Variants in MYO16 observed in about 807,000 individuals in gnomAD.
MYO16 encodes unconventional myosin-XVI.
In MYO16, 94 loss-of-function variants were observed where a neutral mutation model predicts 205.3. The observed-to-expected ratio is 0.46, with a 90% CI of 0.39 to 0.54. The LOEUF (loss-of-function observed/expected upper bound fraction) is 0.54. Among genes scored for constraint, MYO16 ranks in the 20% least tolerant of loss-of-function variants. The probability of loss-of-function intolerance (pLI) is 0.00; values close to 1 mark genes in which losing one functional copy is unlikely to be tolerated. For synonymous variants in MYO16, 988 were observed against 954.0 expected (o/e 1.04, Z -0.66); for missense variants, 2,315 against 2,387.5 (o/e 0.97, Z 0.63).
At chr13:109,021,222 T>C (rs1886012875) in intron 23 of MYO16, among the ~76,000 whole-genome samples, 1 of 152,150 alleles carries the variant, frequency 6.6e-6, no homozygotes, top group Admixed American at 6.6e-5. Context: ...TGGGAGACTC[T>C]AAATTGAACT....
intron 27 of MYO16, among the ~76,000 whole-genome samples, chr13:109,093,311 C>T (rs1888676818): frequency 6.6e-6 from 1 of 152,196 alleles, no homozygotes; most frequent in Non-Finnish European, 1.5e-5. Flanking sequence ...CCCATGAGGG[C>T]ATGAGCATTC....
intron 34 of MYO16, among the ~76,000 whole-genome samples, chr13:109,182,237 A>G (rs1448628049): frequency 1.3e-5 from 2 of 152,166 alleles, no homozygotes; most frequent in Non-Finnish European, 2.9e-5. Context: ...ACCTACCACG[A>G]TGAAAATACA....
At chr13:108,809,278 C>T (rs572284534) in intron 7 of MYO16, among the ~76,000 whole-genome samples, 7 of 152,260 alleles carry the variant, frequency 4.6e-5, no homozygotes, top group East Asian at 1.9e-4. Flanking sequence ...TTAAGCACAC[C>T]GTAGCTTTCA....
At chr13:108,640,630 C>T (rs1255004869) in intron 1 of MYO16, among the ~76,000 whole-genome samples, 1 of 152,170 alleles carries the variant, frequency 6.6e-6, no homozygotes, top group Non-Finnish European at 1.5e-5. Flanking sequence ...TCTATCCTTT[C>T]ACATTCACCC....
chr13:108,862,062 A>G lies in MYO16; in HGVS notation c.1360-4115A>G, dbSNP rs377576390. On this transcript the variant is annotated intron_variant, in intron 11 of 34. Transcript: ENST00000457511. The stretch of plus-strand genomic sequence containing the variant: ...TATTATTTTAGCATTTACAGTTAAG[A>G]TATTTTGGTGCTGATCATAATCCTG... 6.6e-5 allele frequency among the ~76,000 whole-genome samples: 10 copies of G among 152,250 alleles called. No individual in the cohort carries two copies. The South Asian group carries it at 8.3e-4, about 13-fold the overall frequency.
intron 12 of MYO16, among the ~76,000 whole-genome samples, chr13:108,869,994 T>G (rs1312875724): frequency 6.6e-6 from 1 of 151,430 alleles, no homozygotes; most frequent in Admixed American, 6.6e-5. Flanking sequence ...AATATATATA[T>G]ATTTCTTATC....
At chr13:109,153,192 A>G (rs2139840342) in intron 32 of MYO16, among the ~76,000 whole-genome samples, 1 of 152,254 alleles carries the variant, frequency 6.6e-6, no homozygotes, top group Non-Finnish European at 1.5e-5. Context: ...GCTCACAAAT[A>G]TGTCCTCTGA....
chr13:108,706,236 G>T (rs1471278019), intron 2 of MYO16, among the ~76,000 whole-genome samples: 1 of 152,164 alleles, frequency 6.6e-6, no homozygotes, highest in African/African-American at 2.4e-5. Context: ...AATTAAAATT[G>T]AATTGATGGG....
chr13:109,065,297 G>A (rs1004425325), intron 27 of MYO16, among the ~76,000 whole-genome samples: 1 of 152,064 alleles, frequency 6.6e-6, no homozygotes, highest in South Asian at 2.1e-4. Context: ...TCAATGGGGA[G>A]CATCCATGTA....
At chr13:109,016,311 T>C (rs112617948) in intron 22 of MYO16, among the ~76,000 whole-genome samples, 2,572 of 152,270 alleles carry the variant, frequency 0.017, 76 homozygotes, top group African/African-American at 0.059. Flanking sequence ...AATTTGATTG[T>C]ACTGTGGTCT....
chr13:108,906,008 G>A (rs995018022), intron 15 of MYO16, among the ~76,000 whole-genome samples: 10 of 152,138 alleles, frequency 6.6e-5, no homozygotes, highest in South Asian at 2.1e-4. Context: ...CTTTGTGCCC[G>A]CTGGCCTTGG....
intron 2 of MYO16, among the ~76,000 whole-genome samples, chr13:108,687,257 T>C (rs1294416844): frequency 6.6e-6 from 1 of 152,212 alleles, no homozygotes; most frequent in Admixed American, 6.5e-5. Context: ...CAGTGCAGTG[T>C]CTTCTCGCCA....
the MYO16 span, among the ~76,000 whole-genome samples, chr13:108,516,927 G>A: frequency 6.6e-6 from 1 of 151,606 alleles, no homozygotes; most frequent in Non-Finnish European, 1.5e-5. Flanking sequence ...ATTATGTTTT[G>A]TTTTGTTTTG....
chr13:108,962,851 A>C lies in MYO16; in HGVS notation c.2227+356A>C, dbSNP rs147726347. On this transcript the variant is annotated intron_variant, in intron 19 of 34. Coordinates refer to ENST00000457511, the MANE Select transcript of MYO16 (RefSeq NM_001198950.3). ...CTTTTCCTGCTACCTCATTGGTTAG[A>C]ACAGCTGTCATTTATTGGACATATA... 3.9e-3 allele frequency among the ~76,000 whole-genome samples: 596 copies of C among 152,360 alleles called. 4 individuals are homozygous for C. The highest frequency in any genetic ancestry group is 0.014 in the African/African-American group (573 of 41,568).
At chr13:108,845,106 G>A (rs182378032) in intron 10 of MYO16, among the ~76,000 whole-genome samples, 2 of 152,068 alleles carry the variant, frequency 1.3e-5, no homozygotes, top group South Asian at 2.1e-4. Flanking sequence ...TTTATAAGTG[G>A]CAGAATAACT....
intron 22 of MYO16, among the ~76,000 whole-genome samples, chr13:109,018,476 C>G (rs1425343473): frequency 1.3e-5 from 2 of 152,178 alleles, no homozygotes; most frequent in African/African-American, 4.8e-5. Flanking sequence ...CGTGTCCATT[C>G]TCAGAGCTCA....
At chr13:108,652,617 C>G (rs773860989) in intron 1 of MYO16, among the ~76,000 whole-genome samples, 1 of 152,134 alleles carries the variant, frequency 6.6e-6, no homozygotes, top group Admixed American at 6.5e-5. Context: ...TGAGTTTGAC[C>G]TCTTTAGAAG....
chr13:109,171,501 C>G (rs1393031170), intron 33 of MYO16, among the ~76,000 whole-genome samples: 1 of 152,160 alleles, frequency 6.6e-6, no homozygotes, highest in Non-Finnish European at 1.5e-5. Context: ...TCTGTTTGTT[C>G]ATTTGTTGAA....
chr13:108,922,193 C>G (rs1271482688), intron 16 of MYO16, among the ~76,000 whole-genome samples: 1 of 152,056 alleles, frequency 6.6e-6, no homozygotes, highest in Non-Finnish European at 1.5e-5. Flanking sequence ...TGATTTAAAA[C>G]CTAATGATGA....
Sources: gnomAD v4.1 joint callset for allele counts (sites outside exome capture counted in the v4.1 genomes callset) on GRCh38, gnomAD v4.1.1 for gene constraint, MANE v1.5 for transcripts, NCBI Gene and HGNC (gene_info 2026-07-23, HGNC 2026-07-21) for gene names.